AKAP6: variants seen among roughly 807,000 people sequenced by gnomAD.
AKAP6 encodes the protein A-kinase anchoring protein 6.
A neutral mutation model predicts 188.5 loss-of-function variants in AKAP6; 58 were observed. The observed-to-expected ratio is 0.31, with a 90% CI of 0.25 to 0.38. AKAP6 has a LOEUF of 0.38. Among genes scored for constraint, AKAP6 ranks in the 10% least tolerant of loss-of-function variants. The pLI is 1.00. For missense variants in AKAP6, 2,710 were observed against 2,740.0 expected (o/e 0.99, Z 0.24); for synonymous variants, 989 against 998.6 (o/e 0.99, Z 0.18).
chr14:32,514,901 T>TG (rs1329738026), intron 2 of AKAP6, among the ~76,000 whole-genome samples: 1 of 152,018 alleles, frequency 6.6e-6, no homozygotes, highest in Non-Finnish European at 1.5e-5. Flanking sequence ...GGAGTGAAGG[T>TG]GGGGGTCTTA....
At chr14:32,817,202 C>A (rs939669562) in intron 12 of AKAP6, among the ~76,000 whole-genome samples, 2 of 151,992 alleles carry the variant, frequency 1.3e-5, no homozygotes, top group Non-Finnish European at 2.9e-5. Flanking sequence ...CCTGGAAATG[C>A]AATCATGGGA....
At chr14:32,421,525 A>G (rs1889851172) in intron 1 of AKAP6, among the ~76,000 whole-genome samples, 2 of 151,658 alleles carry the variant, frequency 1.3e-5, no homozygotes, top group Admixed American at 6.6e-5. Context: ...TTCTTATTTT[A>G]TGGATATAAT....
chr14:32,670,641 T>A (rs1421939855), intron 7 of AKAP6, among the ~76,000 whole-genome samples: 1 of 152,140 alleles, frequency 6.6e-6, no homozygotes, highest in African/African-American at 2.4e-5. Context: ...TGAGCTAGTG[T>A]GGACTCTTCC....
intron 1 of AKAP6, among the ~76,000 whole-genome samples, chr14:32,378,670 T>C (rs1364522318): frequency 1.3e-5 from 2 of 152,204 alleles, no homozygotes; most frequent in Non-Finnish European, 2.9e-5. Context: ...TTTGATTTAT[T>C]TTCTAGTGTT....
At chr14:32,750,836 C>A (rs35623538) in intron 11 of AKAP6, among the ~76,000 whole-genome samples, 2 of 149,348 alleles carry the variant, frequency 1.3e-5, no homozygotes, top group Admixed American at 1.3e-4. Context: ...CCGGGTTCAC[C>A]CCATTCTCCT....
intron 12 of AKAP6, among the ~76,000 whole-genome samples, chr14:32,782,454 A>G (rs146475199): frequency 3.7e-4 from 57 of 152,302 alleles, no homozygotes; most frequent in African/African-American, 1.1e-3. Flanking sequence ...TTGTCAATTA[A>G]GAAGCAAAAT....
At chr14:32,342,769 T>A (rs1326042485) in intron 1 of AKAP6, among the ~76,000 whole-genome samples, 1 of 152,188 alleles carries the variant, frequency 6.6e-6, no homozygotes, top group African/African-American at 2.4e-5. Flanking sequence ...AAGGGTTTGT[T>A]ATTTTTTTTT....
At chr14:32,696,181 T>C in intron 9 of AKAP6, 71 bp downstream of exon 9, 1 of 1,520,296 alleles carries the variant, frequency 6.6e-7, no homozygotes, top group Non-Finnish European at 8.8e-7. Flanking sequence ...TCTCTCTCTC[T>C]CTCAGGATAT....
intron 7 of AKAP6, among the ~76,000 whole-genome samples, chr14:32,601,398 T>A (rs769070589): frequency 2.6e-5 from 4 of 152,214 alleles, no homozygotes; most frequent in South Asian, 2.1e-4. Context: ...TGAGTACTGA[T>A]GTGTTTTGGT....
chr14:32,756,999 G>A (rs2032361034), intron 11 of AKAP6, among the ~76,000 whole-genome samples: 1 of 152,144 alleles, frequency 6.6e-6, no homozygotes, highest in Admixed American at 6.5e-5. Context: ...GGCCAGAGTG[G>A]TGCCTGGGGT....
At chr14:32,667,629 G>T (rs769673317) in intron 7 of AKAP6, among the ~76,000 whole-genome samples, 3 of 152,030 alleles carry the variant, frequency 2.0e-5, no homozygotes, top group Non-Finnish European at 4.4e-5. Context: ...CGGTTTGAAT[G>T]ATTCTCTTTG....
chr14:32,824,433 A>T lies in AKAP6; in HGVS notation c.6620A>T (p.Asp2207Val), dbSNP rs926671205. The T allele has an allele frequency of 6.2e-7, 1 of 1,613,948 alleles. No homozygotes were observed. The highest frequency in any genetic ancestry group is 8.5e-7 in the Non-Finnish European group (1 of 1,179,954). The stretch of plus-strand genomic sequence containing the variant: ...AGTGATAGTTCTCTTTCAGCTGATG[A>T]TGCAGATACAGTGGCTCTTTCAAGT... Reference protein sequence around the residue: ...EFSDSSLSADDADTVALSSPS... With the variant: ...EFSDSSLSADVADTVALSSPS... Residue 2207 changes from aspartate to valine, a missense_variant, in exon 13 of 14, where the codon GAT (aspartate) becomes GTT (valine). Asp to Val is a radical substitution (Grantham distance 152). This residue lies in a region of AKAP6 where 2,473 missense variants were observed against 2,426.1 expected (regional missense o/e 1.02). Transcript: ENST00000280979.
Position 32,431,541 on chromosome 14 carries a change from C to G in AKAP6, c.-34-1919C>G, listed in dbSNP as rs149361084. Among the ~76,000 whole-genome samples, 139 of 152,210 alleles carry G rather than the reference C, an allele frequency of 9.1e-4. 3 individuals carry two copies. In the East Asian group the frequency reaches 0.022, roughly 24 times the overall value. ...TTATTTTTTGAGACGTAGTTTCACT[C>G]TTGTTGCCCAGGCTAGAGTGCAATG... On this transcript the variant is annotated intron_variant, in intron 1 of 13. Coordinates refer to ENST00000280979, the MANE Select transcript of AKAP6 (RefSeq NM_004274.5).
intron 12 of AKAP6, among the ~76,000 whole-genome samples, chr14:32,796,340 A>G (rs1019368747): frequency 5.3e-5 from 8 of 152,208 alleles, no homozygotes; most frequent in Admixed American, 3.3e-4. Context: ...AGCAAAGGGA[A>G]CAAAGCTGGG....
At chr14:32,699,118 T>C (rs947001182) in intron 9 of AKAP6, among the ~76,000 whole-genome samples, 3 of 152,130 alleles carry the variant, frequency 2.0e-5, no homozygotes, top group African/African-American at 7.2e-5. Context: ...TGCTAGTCAG[T>C]GAGAGTGAAG....
At chr14:32,512,809 G>A (rs1204530205) in intron 2 of AKAP6, among the ~76,000 whole-genome samples, 2 of 152,158 alleles carry the variant, frequency 1.3e-5, no homozygotes, top group African/African-American at 2.4e-5. Flanking sequence ...GCTGGATTCT[G>A]TGTTTTAATT....
intron 2 of AKAP6, among the ~76,000 whole-genome samples, chr14:32,509,071 G>A (rs1211828796): frequency 6.8e-6 from 1 of 147,130 alleles, no homozygotes; most frequent in African/African-American, 2.5e-5. Flanking sequence ...ATCCTGCCTT[G>A]GCCTCCCAAA....
Position 32,418,276 on chromosome 14 carries a change from C to T in AKAP6, c.-34-15184C>T, listed in dbSNP as rs559674181. On this transcript the variant is annotated intron_variant, in intron 1 of 13. Transcript: ENST00000280979. ...GCATAGGGGACAATTACCTTCCAAA[C>T]GTCTGAATCACTCTTGGATGGCAGC... 9.2e-5 allele frequency among the ~76,000 whole-genome samples: 14 copies of T among 152,272 alleles called. No homozygotes were observed. The East Asian group carries it at 2.1e-3, about 23-fold the overall frequency.
intron 1 of AKAP6, among the ~76,000 whole-genome samples, chr14:32,352,600 A>G (rs561134493): frequency 2.6e-5 from 4 of 152,104 alleles, no homozygotes; most frequent in Non-Finnish European, 5.9e-5. Flanking sequence ...TCACCATTCT[A>G]TGCTGTACTT....
Sources: allele counts gnomAD v4.1 joint callset (sites outside exome capture counted in the v4.1 genomes callset), GRCh38; gene constraint gnomAD v4.1.1; regional missense constraint gnomAD v4.1.1; transcripts MANE v1.5; gene names NCBI Gene and HGNC (gene_info 2026-07-23, HGNC 2026-07-21).